WASF3: variants seen among roughly 807,000 people sequenced by gnomAD.
WASF3 encodes the protein actin-binding protein WASF3.
Under a neutral mutation model 46.6 loss-of-function variants are expected in WASF3, and 11 were observed. The ratio of observed to expected loss-of-function variants is 0.24; its 90% confidence interval spans 0.15 to 0.39. The LOEUF (loss-of-function observed/expected upper bound fraction) is 0.39, where lower values mean the gene tolerates loss of function less well. Ranked by LOEUF, WASF3 falls within the 10% of genes least tolerant of loss-of-function variation. WASF3 has a pLI of 1.00. For synonymous variants in WASF3, 242 were observed against 259.7 expected, an observed-to-expected ratio of 0.93 and a Z score of 0.65; for missense variants, 576 against 669.8, an observed-to-expected ratio of 0.86 and a Z score of 1.55.
chr13:26,550,334 A>G, the WASF3 span, among the ~76,000 whole-genome samples: 1 of 152,198 alleles, frequency 6.6e-6, no homozygotes, highest in Non-Finnish European at 1.5e-5. Flanking sequence ...TCATTTCCAG[A>G]TAACTCCCTT....
chr13:26,666,358 T>C (rs918581331), intron 4 of WASF3, among the ~76,000 whole-genome samples: 2 of 152,208 alleles, frequency 1.3e-5, no homozygotes, highest in African/African-American at 4.8e-5. Flanking sequence ...AATTAAATTT[T>C]ATGAGATTTT....
At chr13:26,592,102 T>TA (rs1184106481) in intron 1 of WASF3, among the ~76,000 whole-genome samples, 2 of 146,134 alleles carry the variant, frequency 1.4e-5, no homozygotes, top group African/African-American at 2.5e-5. Context: ...TCTGGACCAA[T>TA]AAGCTTTGCT....
chr13:26,609,377 A>C (rs1340601169), intron 1 of WASF3: 1 of 152,178 alleles, frequency 6.6e-6, no homozygotes, highest in Non-Finnish European at 1.5e-5. Context: ...TGACAAGGTG[A>C]ATGGTCTGAA....
chr13:26,581,441 ATTTT>A (rs538276216), intron 1 of WASF3, among the ~76,000 whole-genome samples: 3 of 145,642 alleles, frequency 2.1e-5, no homozygotes, highest in African/African-American at 5.0e-5. Flanking sequence ...AGGCCAGCCA[ATTTT>A]TTTTTTTTTT....
At chr13:26,589,406 C>G (rs1397496155) in intron 1 of WASF3, among the ~76,000 whole-genome samples, 1 of 152,146 alleles carries the variant, frequency 6.6e-6, no homozygotes, top group Non-Finnish European at 1.5e-5. Context: ...TGCAAGATAT[C>G]AGAACTTTAC....
chr13:26,621,353 T>C (rs1457762952), intron 2 of WASF3, among the ~76,000 whole-genome samples: 2 of 152,184 alleles, frequency 1.3e-5, no homozygotes, highest in Non-Finnish European at 2.9e-5. Flanking sequence ...GAATCTGATA[T>C]GGTAGTTTCT....
At chr13:26,677,508 A>G (rs1193481851) in intron 7 of WASF3, among the ~76,000 whole-genome samples, 3 of 152,198 alleles carry the variant, frequency 2.0e-5, no homozygotes, top group African/African-American at 4.8e-5. Context: ...AACAACAGCA[A>G]CCTGGACTTT....
At chr13:26,565,553 A>T (rs1201488159) in intron 1 of WASF3, among the ~76,000 whole-genome samples, 1 of 152,206 alleles carries the variant, frequency 6.6e-6, no homozygotes, top group Non-Finnish European at 1.5e-5. Flanking sequence ...GGTTTTCTGT[A>T]GTATTTGTCA....
At chr13:26,681,466 T>G (rs752670253) in intron 8 of WASF3, 146 bp downstream of exon 8, 18 of 1,036,842 alleles carry the variant, frequency 1.7e-5, no homozygotes, top group Non-Finnish European at 2.3e-5. Context: ...ACTCTAACAT[T>G]CTGTGTGAAA....
intron 1 of WASF3, among the ~76,000 whole-genome samples, chr13:26,590,928 A>T (rs187438792): frequency 1.3e-5 from 2 of 152,344 alleles, no homozygotes; most frequent in Admixed American, 6.5e-5. Flanking sequence ...TAAATCATTT[A>T]AAAAGGGTAA....
intron 4 of WASF3, among the ~76,000 whole-genome samples, chr13:26,665,797 T>C (rs1882753277): frequency 6.6e-6 from 1 of 152,240 alleles, no homozygotes; most frequent in African/African-American, 2.4e-5. Context: ...AATTTTACTT[T>C]CAGTATCTTG....
intron 1 of WASF3, among the ~76,000 whole-genome samples, chr13:26,559,386 G>A (rs932306485): frequency 6.6e-6 from 1 of 152,184 alleles, no homozygotes; most frequent in Non-Finnish European, 1.5e-5. Flanking sequence ...TTGCTTAATA[G>A]CATTTGTTTT....
chr13:26,597,775 T>C (rs1386832765), intron 1 of WASF3, among the ~76,000 whole-genome samples: 3 of 152,290 alleles, frequency 2.0e-5, no homozygotes, highest in African/African-American at 7.2e-5. Flanking sequence ...TTCATCCATG[T>C]CCCTACAAAG....
At chr13:26,610,239 G>A (rs1880930899) in intron 1 of WASF3, among the ~76,000 whole-genome samples, 1 of 152,152 alleles carries the variant, frequency 6.6e-6, no homozygotes, top group South Asian at 2.1e-4. Context: ...TTCATCACCT[G>A]TCTTCTGAAT....
At chr13:26,614,113 C>T (rs1881062724) in intron 2 of WASF3, among the ~76,000 whole-genome samples, 2 of 152,000 alleles carry the variant, frequency 1.3e-5, no homozygotes, top group South Asian at 4.2e-4. Flanking sequence ...GAGAATAACA[C>T]GTCTTTTGGT....
chr13:26,559,788 T>TTTTCTTTTCTTTTCTTTCTTTCTTTC (rs1555246391), intron 1 of WASF3, among the ~76,000 whole-genome samples: 17 of 80,542 alleles, frequency 2.1e-4, no homozygotes, highest in African/African-American at 6.4e-4. Context: ...TTTTCTTTTC[T>TTTTCTTTTCTTTTCTTTCTTTCTTTC]TTTCTTTCTT....
chr13:26,626,602 G>A lies in WASF3; in HGVS notation c.-11+13544G>A, dbSNP rs139898655. On this transcript the variant is annotated intron_variant, in intron 2 of 9. Coordinates refer to ENST00000335327, the MANE Select transcript of WASF3 (RefSeq NM_006646.6). ...TTAAAAGTCAGAGATTGTAAAATTG[G>A]ATAAAAAAGCAACACAACCGTATGC... 9.0e-3 allele frequency among the ~76,000 whole-genome samples: 1,371 copies of A among 152,102 alleles called. 9 individuals carry two copies. The highest frequency in any genetic ancestry group is 0.015 in the Non-Finnish European group (1,014 of 67,966).
At position 26,658,962 on chromosome 13, in the gene WASF3, T is replaced by C. The variant is rs546290348; in HGVS notation, c.134-6066T>C. 2.6e-5 allele frequency among the ~76,000 whole-genome samples: 4 copies of C among 152,354 alleles called. No homozygotes were observed. The South Asian group carries it at 6.2e-4, about 24-fold the overall frequency. On this transcript the variant is annotated intron_variant, in intron 3 of 9. Transcript: ENST00000335327. ...ATGCTCTAGACATTGGAGACTGATA[T>C]AGCAGTACACAGAGCTAAGGGGAAT...
At chr13:26,567,079 G>A in intron 1 of WASF3, among the ~76,000 whole-genome samples, 1 of 152,178 alleles carries the variant, frequency 6.6e-6, no homozygotes, top group Non-Finnish European at 1.5e-5. Flanking sequence ...GTTCTTGTTT[G>A]GCTGTTTATC....
Sources: gnomAD v4.1 joint callset for allele counts (sites outside exome capture counted in the v4.1 genomes callset) on GRCh38, gnomAD v4.1.1 for gene constraint, MANE v1.5 for transcripts, NCBI Gene and HGNC (gene_info 2026-07-23, HGNC 2026-07-21) for gene names.